Variants in PCDH11X observed in about 807,000 individuals in gnomAD.
PCDH11X encodes the protein protocadherin-11 X-linked.
PCDH11X carries 18 observed loss-of-function variants against 53.3 expected under a neutral mutation model. The ratio of observed to expected loss-of-function variants is 0.34; its 90% CI spans 0.23 to 0.50. PCDH11X has a LOEUF of 0.50. Among genes scored for constraint, PCDH11X ranks in the 20% least tolerant of loss-of-function variants. The probability of loss-of-function intolerance (pLI) is 0.98; values close to 1 mark genes in which losing one functional copy is unlikely to be tolerated. For synonymous variants in PCDH11X, 279 were observed against 393.3 expected, an observed-to-expected ratio of 0.71 and a Z score of 3.44; for missense variants, 570 against 1,032.4, an observed-to-expected ratio of 0.55 and a Z score of 6.14.
chrX:92,521,795 C>T (rs1339720771), intron 10 of PCDH11X, among the ~76,000 whole-genome samples: 1 of 108,523 alleles, frequency 9.2e-6, no homozygotes, highest in Non-Finnish European at 1.9e-5. Context: ...GCAGTTTCTT[C>T]ATCAGCACTT....
intron 6 of PCDH11X, among the ~76,000 whole-genome samples, chrX:92,033,433 C>G (rs1449701478): frequency 9.7e-6 from 1 of 102,831 alleles, no homozygotes; most frequent in Non-Finnish European, 2.0e-5. Flanking sequence ...TGTTAGTGGT[C>G]TTTTCAGGTT....
At chrX:92,034,189 G>A (rs762483609) in intron 6 of PCDH11X, among the ~76,000 whole-genome samples, 22 of 111,401 alleles carry the variant, frequency 2.0e-4, no homozygotes, top group Non-Finnish European at 3.8e-4. Flanking sequence ...CCTTGAGAAT[G>A]ATCCATGTGC....
chrX:92,069,113 C>T (rs979781335), intron 6 of PCDH11X, among the ~76,000 whole-genome samples: 2 of 110,446 alleles, frequency 1.8e-5, no homozygotes, highest in African/African-American at 6.6e-5. Flanking sequence ...ATATCACTCT[C>T]TTCAGCTCTA....
intron 10 of PCDH11X, among the ~76,000 whole-genome samples, chrX:92,506,840 C>G (rs1162089086): frequency 9.1e-6 from 1 of 109,922 alleles, no homozygotes; most frequent in Non-Finnish European, 1.9e-5. Context: ...TCCACCTGGT[C>G]CTGGGATTTT....
chrX:92,422,152 TA>T (rs780253784), intron 9 of PCDH11X, among the ~76,000 whole-genome samples: 54 of 90,347 alleles, frequency 6.0e-4, no homozygotes, highest in East Asian at 2.7e-3. Context: ...TTTTTTTTTT[TA>T]AATTTTATTT....
intron 6 of PCDH11X, among the ~76,000 whole-genome samples, chrX:91,898,280 T>C (rs1237088138): frequency 9.2e-6 from 1 of 108,145 alleles, no homozygotes; most frequent in East Asian, 3.0e-4. Flanking sequence ...CCCAGCCGAA[T>C]TTAGCCAATT....
intron 9 of PCDH11X, among the ~76,000 whole-genome samples, chrX:92,456,912 T>C (rs1362929079): frequency 4.7e-5 from 5 of 106,784 alleles, no homozygotes; most frequent in Non-Finnish European, 7.8e-5. Flanking sequence ...TCTTTTCTTG[T>C]TTATTCCTAA....
chrX:92,287,833 G>T, intron 8 of PCDH11X: 1 of 443,902 alleles, frequency 2.3e-6, no homozygotes, highest in Non-Finnish European at 4.0e-6. Flanking sequence ...CTGGTGGGAA[G>T]TGATTGGCTC....
At chrX:91,926,748 A>G (rs113213223) in intron 6 of PCDH11X, among the ~76,000 whole-genome samples, 1,887 of 111,193 alleles carry the variant, frequency 0.017, 38 homozygotes, top group African/African-American at 0.057. Context: ...TGCAATACAT[A>G]TAATGTATAG....
intron 6 of PCDH11X, among the ~76,000 whole-genome samples, chrX:92,102,676 C>T (rs993544239): frequency 2.7e-5 from 3 of 110,897 alleles, no homozygotes; most frequent in Admixed American, 9.6e-5. Flanking sequence ...CAAGTGAAAG[C>T]GAAAACAGGT....
chrX:91,974,957 G>A (rs1487865033), intron 6 of PCDH11X, among the ~76,000 whole-genome samples: 1 of 110,206 alleles, frequency 9.1e-6, no homozygotes, highest in Non-Finnish European at 1.9e-5. Flanking sequence ...TCTCCATGTT[G>A]GTCAGGCTGG....
chrX:92,252,276 C>T (rs1301724964), intron 7 of PCDH11X, among the ~76,000 whole-genome samples: 2 of 109,771 alleles, frequency 1.8e-5, no homozygotes, highest in African/African-American at 6.7e-5. Context: ...AGTCATAGGA[C>T]CTATGTATTT....
chrX:92,228,116 A>T, intron 7 of PCDH11X, among the ~76,000 whole-genome samples: 1 of 111,674 alleles, frequency 9.0e-6, no homozygotes, highest in Non-Finnish European at 1.9e-5. Context: ...CAGCCAAAAC[A>T]TGTTGATCTG....
At position 92,320,394 on chromosome X, in the gene PCDH11X, A is replaced by G. The variant is rs1569463901; in HGVS notation, c.3144+57251A>G. Among the ~76,000 whole-genome samples the G allele has an allele frequency of 6.4e-5, 7 of 108,966 alleles. 1 individual carries two copies. In the South Asian group the frequency reaches 2.8e-3, roughly 43 times the overall value. The allele number at this position is 108,966 out of a possible 115,157, so 94.6% of individuals were successfully genotyped here. ...CTAACAAATGGACAATGATCTCATG[A>G]TCTCTCTCTCTCTCTTTCTTTCTCT... On this transcript the variant is annotated intron_variant, in intron 8 of 10. Transcript: ENST00000682573.
chrX:91,973,860 C>A (rs2147914029), intron 6 of PCDH11X, among the ~76,000 whole-genome samples: 1 of 110,879 alleles, frequency 9.0e-6, no homozygotes, highest in African/African-American at 3.3e-5. Flanking sequence ...GGTGATCCAC[C>A]CGCCTTGGCC....
intron 9 of PCDH11X, among the ~76,000 whole-genome samples, chrX:92,401,576 C>A (rs2071388088): frequency 9.0e-6 from 1 of 111,695 alleles, no homozygotes; most frequent in African/African-American, 3.2e-5. Context: ...AACCACAAGG[C>A]AATATGCCAC....
chrX:92,185,754 C>T (rs2148298427), intron 6 of PCDH11X, among the ~76,000 whole-genome samples: 1 of 109,361 alleles, frequency 9.1e-6, no homozygotes, highest in East Asian at 2.9e-4. Flanking sequence ...TTCAACATCA[C>T]AAATCATCAG....
At chrX:92,261,677 T>C (rs2067718670) in intron 7 of PCDH11X, among the ~76,000 whole-genome samples, 1 of 112,487 alleles carries the variant, frequency 8.9e-6, no homozygotes, top group Admixed American at 9.4e-5. Context: ...AGAAAATTAA[T>C]TTTTTAATGT....
At chrX:92,185,378 TA>T (rs1180590108) in intron 6 of PCDH11X, among the ~76,000 whole-genome samples, 2 of 111,815 alleles carry the variant, frequency 1.8e-5, no homozygotes, top group East Asian at 5.6e-4. Context: ...ATTCAATACT[TA>T]AATGTCGGAC....
Sources: gnomAD v4.1 joint callset for allele counts (sites outside exome capture counted in the v4.1 genomes callset) on GRCh38, gnomAD v4.1.1 for gene constraint, MANE v1.5 for transcripts, NCBI Gene and HGNC (gene_info 2026-07-23, HGNC 2026-07-21) for gene names.